The following CLN6 variants were observed in gnomAD, a reference collection of about 807,000 sequenced individuals.
CLN6 encodes the protein ceroid-lipofuscinosis neuronal protein 6.
Under a neutral mutation model 33.3 loss-of-function variants are expected in CLN6, and 22 were observed. The ratio of observed to expected loss-of-function variants is 0.66; its 90% CI spans 0.47 to 0.94. The LOEUF is 0.94. Ranked by LOEUF, CLN6 falls within the 40% of genes least tolerant of loss-of-function variation. CLN6 has a pLI of 0.00. For synonymous variants in CLN6, 201 were observed against 174.6 expected (o/e 1.15, Z -1.19); for missense variants, 387 against 417.1 (o/e 0.93, Z 0.63).
intron 1 of CLN6, among the ~76,000 whole-genome samples, chr15:68,235,615 T>G (rs201084216): frequency 3.9e-5 from 2 of 50,640 alleles, no homozygotes; most frequent in African/African-American, 5.4e-5. Flanking sequence ...TATATATATA[T>G]ATATATATAT....
chr15:68,229,364 C>A (rs946305457), intron 1 of CLN6, 138 bp downstream of exon 1: 8 of 565,870 alleles, frequency 1.4e-5, no homozygotes, highest in East Asian at 1.2e-4. Flanking sequence ...CGCCTCCAAG[C>A]CCCCCGCGCT....
chr15:68,247,130 T>C lies in CLN6; in HGVS notation c.179+9560A>G, dbSNP rs1300870321. On this transcript the variant is annotated intron_variant, in intron 1 of 6. Coordinates refer to the CLN6 transcript ENST00000538696. This position sits in a 1 kb window ranked among gnomAD's most constrained non-coding sequence, Gnocchi z 4.2. ...AAAACAAGGATGCCCACCTCCACTT[T>C]TATTCAACATAGTATTGGAAGTCCT... Among the ~76,000 whole-genome samples, 1 of 152,110 alleles carries C rather than the reference T, an allele frequency of 6.6e-6. No individual in the cohort carries two copies. Among genetic ancestry groups the C allele is most frequent in the Admixed American group, 6.6e-5 (1 of 15,266 alleles).
In CLN6 at chr15:68,246,759, T is replaced by C. The variant is rs1892332565; in HGVS notation, c.179+9931A>G. ...AAATAAATGAAATTAGGCTAAAATA[T>C]AGAGAAAATCAATGAAATGAAAATT... On this transcript the variant is annotated intron_variant, in intron 1 of 6. Transcript: ENST00000538696. The surrounding 1 kb of genome is among the most constrained non-coding windows in gnomAD (Gnocchi z 4.5). 6.6e-6 allele frequency among the ~76,000 whole-genome samples: 1 copy of C among 151,946 alleles called. No individual in the cohort carries two copies. Among genetic ancestry groups the C allele is most frequent in the African/African-American group, 2.4e-5 (1 of 41,312 alleles).
Position 68,256,746 on chromosome 15 carries a change from C to A in CLN6, c.123G>T (p.Ala41=). 2.9e-6 allele frequency: 2 copies of A among 701,056 alleles called. No homozygotes were observed. Among genetic ancestry groups the A allele is most frequent in the South Asian group, 3.0e-5 (2 of 67,544 alleles). 43.4% of individuals were successfully genotyped at this position (701,056 alleles called of 1,614,324 possible). ...AAGTCTCACAGGACAATGGCGCCTG[C>A]GCCAGTGGCTTGAAGGCTCGGCTCA... is the stretch of plus-strand genomic sequence containing the variant. Residue 41 remains alanine, a synonymous_variant, in exon 1 of 7, where the codon GCG becomes GCT. Coordinates refer to the CLN6 transcript ENST00000538696. The surrounding 1 kb of genome is among the most constrained non-coding windows in gnomAD (Gnocchi z 4.1).
At chr15:68,215,702 C>T (rs1335467887) in intron 2 of CLN6, 2 of 152,220 alleles carry the variant, frequency 1.3e-5, no homozygotes, top group African/African-American at 4.8e-5. Context: ...AGGCAATCCT[C>T]CTGCCTTGGC....
At chr15:68,252,620 A>G (rs1892392279) in intron 1 of CLN6, among the ~76,000 whole-genome samples, 2 of 152,254 alleles carry the variant, frequency 1.3e-5, no homozygotes, top group Admixed American at 1.3e-4. Flanking sequence ...TTGCACAAGC[A>G]TAACAATATT....
At chr15:68,250,031 A>G (rs1487375808) in intron 1 of CLN6, among the ~76,000 whole-genome samples, 1 of 152,120 alleles carries the variant, frequency 6.6e-6, no homozygotes, top group Non-Finnish European at 1.5e-5. Context: ...TTGGCCTCCC[A>G]AAGTGCTGGG....
In CLN6 at chr15:68,229,557, G is replaced by C. The variant is rs1457277891; in HGVS notation, c.28C>G (p.Leu10Val). ...GCGCCTGGGCCGCCCGTCGCTCCCA[G>C]GTGCTGCCGCCTCCGCGTCGCCTCC... MEATRRRQHLGATGGPGAQL... is the reference protein window; with the variant it reads MEATRRRQHVGATGGPGAQL... Residue 10 changes from leucine (L) to valine (V), a missense_variant, in exon 1 of 7, where the codon CTG becomes GTG. Transcript: ENST00000249806. The C allele has an allele frequency of 1.4e-6, 2 of 1,469,430 alleles. No individual in the cohort carries two copies. Among genetic ancestry groups the C allele is most frequent in the Admixed American group, 4.7e-5 (2 of 42,758 alleles). 91.0% of individuals were successfully genotyped at this position (1,469,430 alleles called of 1,614,324 possible).
At chr15:68,243,598 T>G (rs1260789176) in intron 1 of CLN6, among the ~76,000 whole-genome samples, 2 of 151,736 alleles carry the variant, frequency 1.3e-5, no homozygotes, top group South Asian at 4.2e-4. Context: ...CTACTAAAAG[T>G]ACAAAAATTA....
At chr15:68,218,374 G>A (rs760339049) in intron 2 of CLN6, 162 bp downstream of exon 2, 19 of 599,664 alleles carry the variant, frequency 3.2e-5, no homozygotes, top group Admixed American at 7.0e-5. Flanking sequence ...GTTGCCTGAC[G>A]GGCCAAGTCA....
In CLN6 at chr15:68,236,028, ATAAC is replaced by A. The variant is rs1334499130; in HGVS notation, c.180-17382_180-17379del. On this transcript the variant is annotated intron_variant, in intron 1 of 6. Coordinates refer to the CLN6 transcript ENST00000538696. The surrounding 1 kb of genome is among the most constrained non-coding windows in gnomAD (Gnocchi z 4.5). ...GAAATGATTGAATAGCAGATTTAAAATAACTAGGTAGGAAATGTTTAAATAAATA... is the reference window on the plus strand; with the variant it reads ...GAAATGATTGAATAGCAGATTTAAAATAGGTAGGAAATGTTTAAATAAATA... Among the ~76,000 whole-genome samples, 1 of 152,268 alleles carries A rather than the reference ATAAC, an allele frequency of 6.6e-6. No individual in the cohort carries two copies. The highest frequency in any genetic ancestry group is 1.9e-4 in the East Asian group (1 of 5,206).
chr15:68,225,037 C>T (rs1008076144), intron 1 of CLN6, among the ~76,000 whole-genome samples: 5 of 152,064 alleles, frequency 3.3e-5, no homozygotes, highest in Non-Finnish European at 7.4e-5. Flanking sequence ...GAAGGGGTTT[C>T]ATCCTGAACA....
At position 68,207,804 on chromosome 15, in the gene CLN6, G is replaced by A; in HGVS notation, c.*336C>T. 2.6e-6 allele frequency: 1 copy of A among 391,652 alleles called. No individual in the cohort carries two copies. The highest frequency in any genetic ancestry group is 4.8e-6 in the Non-Finnish European group (1 of 206,286). 24.3% of individuals were successfully genotyped at this position (391,652 alleles called of 1,614,324 possible). On this transcript the variant is annotated 3_prime_UTR_variant, in exon 7 of 7. Coordinates refer to ENST00000249806, the MANE Select transcript of CLN6 (RefSeq NM_017882.3). ...ACGGCTACCAGAAGATGTCCGGGAA[G>A]AACAGACTAGCCCTGAGTAGGGAGT... is the stretch of plus-strand genomic sequence containing the variant.
At position 68,227,107 on chromosome 15, in the gene CLN6, G is replaced by A. The variant is rs374329163; in HGVS notation, c.83+2395C>T. Among the ~76,000 whole-genome samples, 11 of 150,280 alleles carry A rather than the reference G, an allele frequency of 7.3e-5. No individual in the cohort carries two copies. Among genetic ancestry groups the A allele is most frequent in the African/African-American group, 2.2e-4 (9 of 40,822 alleles). On this transcript the variant is annotated intron_variant, in intron 1 of 6. Coordinates refer to ENST00000249806, the MANE Select transcript of CLN6 (RefSeq NM_017882.3). The surrounding 1 kb of genome is among the most constrained non-coding windows in gnomAD (Gnocchi z 4.1). ...GGCTGGAGTGCAGTGGCGCCATCTC[G>A]GCTCACTACAACCTCCGCCTCCCAG...
At chr15:68,235,587 A>AATAAATAAAT (rs1862434089) in intron 1 of CLN6, among the ~76,000 whole-genome samples, 21 of 95,064 alleles carry the variant, frequency 2.2e-4, no homozygotes, top group African/African-American at 8.3e-4. Flanking sequence ...AATAAAAATA[A>AATAAATAAAT]ATATATATAT....
chr15:68,212,015 G>T, intron 3 of CLN6, 152 bp from the exon 4 acceptor site: 1 of 735,440 alleles, frequency 1.4e-6, no homozygotes, highest in Non-Finnish European at 2.3e-6. Flanking sequence ...GGCCAGCCCA[G>T]CCTCCAGATC....
intron 1 of CLN6, among the ~76,000 whole-genome samples, chr15:68,238,730 G>C (rs1261420330): frequency 6.6e-6 from 1 of 152,110 alleles, no homozygotes; most frequent in East Asian, 1.9e-4. Context: ...ACAATTTCTG[G>C]AAGATATACT....
At chr15:68,238,033 G>A (rs550476242) in intron 1 of CLN6, among the ~76,000 whole-genome samples, 223 of 152,072 alleles carry the variant, frequency 1.5e-3, no homozygotes, top group African/African-American at 5.3e-3. Flanking sequence ...TGAGGCAGGA[G>A]AATTACTTGA....
intron 2 of CLN6, among the ~76,000 whole-genome samples, chr15:68,215,763 C>A (rs1033515823): frequency 6.6e-6 from 1 of 152,070 alleles, no homozygotes; most frequent in Admixed American, 6.6e-5. Flanking sequence ...ATGATATATT[C>A]TAAAGGAAAA....
Sources: allele counts gnomAD v4.1 joint callset (sites outside exome capture counted in the v4.1 genomes callset), GRCh38; gene constraint gnomAD v4.1.1; non-coding constraint Gnocchi (gnomAD v3.1); transcripts MANE v1.5; gene names NCBI Gene and HGNC (gene_info 2026-07-23, HGNC 2026-07-21).